MTMR9: variants seen among roughly 807,000 people sequenced by gnomAD.
MTMR9 encodes the protein myotubularin related protein 9.
Under a neutral mutation model 69.5 loss-of-function variants are expected in MTMR9, and 39 were observed. The ratio of observed to expected loss-of-function variants is 0.56; its 90% CI spans 0.43 to 0.73. The LOEUF is 0.73. Among genes scored for constraint, MTMR9 ranks in the 30% least tolerant of loss-of-function variants. The probability of loss-of-function intolerance (pLI) is 0.00; values close to 1 mark genes in which losing one functional copy is unlikely to be tolerated. For synonymous variants in MTMR9, 354 were observed against 240.8 expected (o/e 1.47, Z -4.35); for missense variants, 900 against 671.2 (o/e 1.34, Z -3.77).
rs528058222 is a variant in MTMR9 at position 11,325,795 on chromosome 8, A to C, written c.*3007A>C. The C allele has an allele frequency of 3.9e-5, 6 of 152,264 alleles. No individual in the cohort carries two copies. The highest frequency in any genetic ancestry group is 3.3e-4 in the Admixed American group (5 of 15,304). 9.4% of individuals were successfully genotyped at this position (152,264 alleles called of 1,614,324 possible). On this transcript the variant is annotated 3_prime_UTR_variant, in exon 10 of 10. Coordinates refer to ENST00000221086, the MANE Select transcript of MTMR9 (RefSeq NM_015458.4). ...TATTTTGATTTTATTAAATGGGAAG[A>C]AAGCAAGCAGAAATAGTAAAATTCA...
Position 11,284,882 on chromosome 8 carries a change from G to GA in MTMR9, c.-7_-6insA, listed in dbSNP as rs762452977. 1 of 1,595,434 alleles carries GA rather than the reference G, an allele frequency of 6.3e-7. No homozygotes were observed. The highest frequency in any genetic ancestry group is 1.4e-5 in the African/African-American group (1 of 73,804). ...GCTCGGTTCCCTGGCTCCGGCCGCG[G>GA]GGGAGCATGGAGTTTGCGGAGCTGA... On this transcript the variant is annotated 5_prime_UTR_variant, in exon 1 of 10. Transcript: ENST00000221086.
chr8:11,329,927 C>T (rs561764796), downstream of MTMR9, among the ~76,000 whole-genome samples: 19 of 151,588 alleles, frequency 1.3e-4, no homozygotes, highest in South Asian at 1.5e-3. Context: ...TGCCCGGCTG[C>T]GACCCCGTCT....
chr8:11,314,848 A>C, intron 6 of MTMR9, 75 bp from the exon 7 acceptor site: 1 of 1,457,622 alleles, frequency 6.9e-7, no homozygotes, highest in Non-Finnish European at 9.5e-7. Context: ...TGCTCAATAA[A>C]CGCTTGTTAT....
downstream of MTMR9, chr8:11,331,139 T>G: frequency 6.2e-7 from 1 of 1,607,814 alleles, no homozygotes; most frequent in African/African-American, 1.3e-5. Flanking sequence ...TCAACCTGCC[T>G]GACTCCACAC....
intron 3 of MTMR9, among the ~76,000 whole-genome samples, chr8:11,303,647 C>A (rs1799832031): frequency 6.6e-6 from 1 of 152,088 alleles, no homozygotes; most frequent in East Asian, 1.9e-4. Context: ...GATTCTTTCA[C>A]CTCAGCATCC....
intron 9 of MTMR9, chr8:11,321,683 T>C: frequency 3.1e-6 from 1 of 317,500 alleles, no homozygotes; most frequent in South Asian, 2.7e-5. Flanking sequence ...GGCCTTAAAA[T>C]ATCTCTCTGC....
At chr8:11,307,804 C>G (rs1278293571) in intron 5 of MTMR9, among the ~76,000 whole-genome samples, 2 of 152,038 alleles carry the variant, frequency 1.3e-5, no homozygotes, top group Non-Finnish European at 2.9e-5. Flanking sequence ...ATGAGTGATG[C>G]AGAGCATTTT....
the MTMR9 span, among the ~76,000 whole-genome samples, chr8:11,339,419 C>A: frequency 3.3e-5 from 5 of 152,312 alleles, no homozygotes; most frequent in South Asian, 6.2e-4. Flanking sequence ...TCCAAAGGGT[C>A]CTTAATCATT....
downstream of MTMR9, among the ~76,000 whole-genome samples, chr8:11,330,597 C>CTGTT (rs1249627796): frequency 6.6e-5 from 10 of 152,338 alleles, no homozygotes; most frequent in East Asian, 1.9e-3. Context: ...CCTTGGGATA[C>CTGTT]TGTTGATCTG....
chr8:11,307,541 C>G (rs1325931314), intron 5 of MTMR9, among the ~76,000 whole-genome samples: 2 of 152,156 alleles, frequency 1.3e-5, no homozygotes, highest in Non-Finnish European at 2.9e-5. Flanking sequence ...GATTTCGTTT[C>G]CGATATTCAA....
intron 6 of MTMR9, among the ~76,000 whole-genome samples, chr8:11,313,479 CT>C (rs1800287504): frequency 6.6e-6 from 1 of 152,240 alleles, no homozygotes; most frequent in South Asian, 2.1e-4. Context: ...GGAGGCCCAG[CT>C]TTTGGCCTGA....
rs776656921 is a variant in MTMR9, at chr8:11,300,095, G to T, written c.364G>T (p.Asp122Tyr). 1 of 1,613,646 alleles carries T rather than the reference G, an allele frequency of 6.2e-7. No individual in the cohort carries two copies. Among genetic ancestry groups the T allele is most frequent in the Non-Finnish European group, 8.5e-7 (1 of 1,179,702 alleles). Residue 122 changes from aspartate (D) to tyrosine (Y), a missense_variant, in exon 3 of 10, where the codon GAT becomes TAT. Physicochemically the swap from Asp to Tyr is radical, Grantham distance 160. Transcript: ENST00000221086. The part of the protein sequence containing the change: ...FYRPMFEVIE[D>Y]GWHSFLPEQE... ...CCGTCCTATGTTTGAAGTGATAGAA[G>T]ATGGCTGGCATTCCTTCCTTCCTGA...
At chr8:11,286,843 A>C (rs1334575326) in intron 1 of MTMR9, among the ~76,000 whole-genome samples, 3 of 152,148 alleles carry the variant, frequency 2.0e-5, no homozygotes, top group Non-Finnish European at 4.4e-5. Context: ...TTTACCAGCC[A>C]GTCCTCACTA....
intron 6 of MTMR9, among the ~76,000 whole-genome samples, chr8:11,313,319 CT>C (rs1436007026): frequency 1.3e-5 from 2 of 152,178 alleles, no homozygotes; most frequent in Non-Finnish European, 2.9e-5. Flanking sequence ...AATATTGCAG[CT>C]GGTTTGATCT....
At chr8:11,336,726 C>T in the MTMR9 span, among the ~76,000 whole-genome samples, 1 of 152,148 alleles carries the variant, frequency 6.6e-6, no homozygotes, top group Admixed American at 6.5e-5. Flanking sequence ...ATAAGGAAAT[C>T]TTCAGGACGC....
chr8:11,306,250 G>C lies in MTMR9; in HGVS notation c.652G>C (p.Glu218Gln), dbSNP rs137901400. 8.1e-6 allele frequency: 13 copies of C among 1,613,760 alleles called. No homozygotes were observed. The highest frequency in any genetic ancestry group is 1.0e-5 in the Non-Finnish European group (12 of 1,179,938). ...AAACGGGAGGAGGTGCAAGGAGGAC[G>C]AGAAGCTGATAAATGCTACCCTCAG... is the stretch of plus-strand genomic sequence containing the variant. ...GTNGRRCKED[E>Q]KLINATLRAG... The change falls in exon 5 of 10, where the codon GAG (glutamate) becomes CAG (glutamine). Residue 218 changes from glutamate (E) to glutamine (Q), a missense_variant. Physicochemically the swap from Glu to Gln is conservative, Grantham distance 29. Coordinates refer to ENST00000221086, the MANE Select transcript of MTMR9 (RefSeq NM_015458.4).
chr8:11,320,196 G>C (rs112317676), intron 9 of MTMR9: 265 of 197,224 alleles, frequency 1.3e-3, no homozygotes, highest in African/African-American at 5.8e-3. Context: ...TAATGAAGCA[G>C]TCATTAGGAT....
chr8:11,313,208 A>G (rs1036717561), intron 6 of MTMR9, among the ~76,000 whole-genome samples: 4 of 152,214 alleles, frequency 2.6e-5, no homozygotes, highest in Non-Finnish European at 4.4e-5. Context: ...CTAGTTTCCA[A>G]CTTTTCTTCT....
chr8:11,312,604 A>G (rs535843028), intron 6 of MTMR9, among the ~76,000 whole-genome samples: 1 of 152,214 alleles, frequency 6.6e-6, no homozygotes, highest in African/African-American at 2.4e-5. Context: ...CAAAGTATCC[A>G]TGAGATGTGG....
Sources: gnomAD v4.1 joint callset for allele counts (sites outside exome capture counted in the v4.1 genomes callset) on GRCh38, gnomAD v4.1.1 for gene constraint, MANE v1.5 for transcripts, NCBI Gene and HGNC (gene_info 2026-07-23, HGNC 2026-07-21) for gene names.